The following CCDC73 variants were observed in gnomAD, a reference collection of about 807,000 sequenced individuals.
CCDC73 encodes coiled-coil domain containing 73.
A neutral mutation model predicts 116.5 loss-of-function variants in CCDC73; 95 were observed. The observed-to-expected ratio is 0.82, with a 90% confidence interval of 0.69 to 0.97. The LOEUF (loss-of-function observed/expected upper bound fraction) is 0.97. Among genes scored for constraint, CCDC73 ranks in the 50% least tolerant of loss-of-function variants. CCDC73 has a pLI of 0.00. For synonymous variants in CCDC73, 398 were observed against 401.3 expected, an observed-to-expected ratio of 0.99 and a Z score of 0.10; for missense variants, 1,066 against 1,206.8, an observed-to-expected ratio of 0.88 and a Z score of 1.73.
At chr11:32,694,406 G>A (rs187101960) in intron 6 of CCDC73, among the ~76,000 whole-genome samples, 4 of 152,176 alleles carry the variant, frequency 2.6e-5, no homozygotes, top group Admixed American at 2.0e-4. Flanking sequence ...ACTGTTCAAC[G>A]AAATAAAAGA....
intron 12 of CCDC73, 54 bp from the exon 13 acceptor site, chr11:32,642,136 G>A: frequency 4.8e-6 from 7 of 1,444,204 alleles, no homozygotes; most frequent in Non-Finnish European, 6.4e-6. Flanking sequence ...AATGAATTCT[G>A]ATGTGTTTTA....
rs1448217701 is a variant in CCDC73, at chr11:32,637,558, TCCTA to T, written c.1051-1732_1051-1729del. ...CCATGCTAGTACTCTCTCTTTATCC[TCCTA>T]CCTGTCTTACCAGCTCCCTCTCCCC... On this transcript the variant is annotated intron_variant, in intron 13 of 17. Coordinates refer to ENST00000335185, the MANE Select transcript of CCDC73 (RefSeq NM_001008391.4). 6.6e-5 allele frequency among the ~76,000 whole-genome samples: 10 copies of T among 151,764 alleles called. No individual in the cohort carries two copies. The East Asian group carries it at 1.2e-3, about 18-fold the overall frequency.
At chr11:32,796,968 C>G (rs979869646), upstream of CCDC73, among the ~76,000 whole-genome samples, 3 of 138,320 alleles carry the variant, frequency 2.2e-5, no homozygotes, top group African/African-American at 8.3e-5. Flanking sequence ...GCCGAGATCA[C>G]ACCACTCCAC....
chr11:32,827,226 TA>T, the CCDC73 span, among the ~76,000 whole-genome samples: 1 of 152,164 alleles, frequency 6.6e-6, no homozygotes. Flanking sequence ...AAGGAAATAA[TA>T]GAAGAAATCA....
At chr11:32,755,536 A>AATATATATATATACATATATAT (rs1483806584) in intron 2 of CCDC73, among the ~76,000 whole-genome samples, 1 of 59,916 alleles carries the variant, frequency 1.7e-5, no homozygotes, top group Non-Finnish European at 3.2e-5. Context: ...TCCATCTCAA[A>AATATATATATATACATATATAT]ATATATATAT....
chr11:32,798,941 C>A (rs1380163198), upstream of CCDC73, among the ~76,000 whole-genome samples: 1 of 149,086 alleles, frequency 6.7e-6, no homozygotes, highest in African/African-American at 2.5e-5. Flanking sequence ...GACAGAGTCT[C>A]ATTTTGTCAC....
At chr11:32,812,555 G>A in the CCDC73 span, among the ~76,000 whole-genome samples, 1 of 152,094 alleles carries the variant, frequency 6.6e-6, no homozygotes, top group Admixed American at 6.6e-5. Context: ...TGTGATCCCA[G>A]CTACTCGGGA....
intron 9 of CCDC73, among the ~76,000 whole-genome samples, chr11:32,656,606 T>C (rs559863779): frequency 6.6e-6 from 1 of 152,204 alleles, no homozygotes; most frequent in Non-Finnish European, 1.5e-5. Flanking sequence ...AGCAGCAGCA[T>C]CAGCAGCATC....
At chr11:32,613,317 TAA>T (rs1483560544) in intron 16 of CCDC73, 103 bp downstream of exon 16, 4 of 947,628 alleles carry the variant, frequency 4.2e-6, no homozygotes, top group Non-Finnish European at 6.2e-6. Flanking sequence ...TAATTTAAAA[TAA>T]GACGAACTTT....
chr11:32,640,061 C>G (rs1216079300), intron 13 of CCDC73, among the ~76,000 whole-genome samples: 2 of 151,886 alleles, frequency 1.3e-5, no homozygotes. Context: ...TCTCAGTAGC[C>G]ACACTACTAT....
chr11:32,654,694 G>A, intron 10 of CCDC73, 150 bp downstream of exon 10: 1 of 623,672 alleles, frequency 1.6e-6, no homozygotes, highest in Non-Finnish European at 2.5e-6. Flanking sequence ...AAAGTCTATG[G>A]CAAAAATTAA....
intron 7 of CCDC73, chr11:32,683,178 G>A (rs1465066691): frequency 1.8e-5 from 5 of 271,792 alleles, no homozygotes; most frequent in Non-Finnish European, 2.9e-5. Flanking sequence ...TTATACCTAC[G>A]GGTTAAGCAT....
intron 1 of CCDC73, among the ~76,000 whole-genome samples, chr11:32,781,618 T>C (rs192580256): frequency 9.9e-5 from 15 of 152,252 alleles, no homozygotes; most frequent in Non-Finnish European, 2.1e-4. Flanking sequence ...GGGCAGAAGA[T>C]TGGAAGTTGT....
chr11:32,648,360 G>A (rs551808031), intron 12 of CCDC73, among the ~76,000 whole-genome samples: 29 of 152,228 alleles, frequency 1.9e-4, no homozygotes, highest in African/African-American at 6.5e-4. Flanking sequence ...TCAAAAATAT[G>A]TAATGTGGGG....
chr11:32,736,942 A>AC, intron 2 of CCDC73, among the ~76,000 whole-genome samples: 1 of 10,192 alleles, frequency 9.8e-5, no homozygotes, highest in South Asian at 5.7e-3. Flanking sequence ...GTTCTCACAT[A>AC]TATATATATA....
At chr11:32,686,051 A>C (rs1020658925) in intron 6 of CCDC73, among the ~76,000 whole-genome samples, 1 of 151,842 alleles carries the variant, frequency 6.6e-6, no homozygotes, top group Non-Finnish European at 1.5e-5. Context: ...TCACTCTATT[A>C]CATTCACATT....
Position 32,741,344 on chromosome 11 carries a change from G to A in CCDC73, c.135+18765C>T, listed in dbSNP as rs369237201. 1.3e-4 allele frequency among the ~76,000 whole-genome samples: 20 copies of A among 152,000 alleles called. 1 individual carries two copies. The highest frequency in any genetic ancestry group is 9.2e-4 in the Admixed American group (14 of 15,252). On this transcript the variant is annotated intron_variant, in intron 2 of 17. Coordinates refer to ENST00000335185, the MANE Select transcript of CCDC73 (RefSeq NM_001008391.4). The stretch of plus-strand genomic sequence containing the variant: ...CTAGTAACATTTGTTTTAAACATAC[G>A]GGTGCTCCAGTGTTAATGCATATAT...
At chr11:32,752,276 C>A (rs1850293242) in intron 2 of CCDC73, among the ~76,000 whole-genome samples, 1 of 152,148 alleles carries the variant, frequency 6.6e-6, no homozygotes, top group African/African-American at 2.4e-5. Context: ...TTGGGAGCCA[C>A]AAATATAACA....
chr11:32,746,858 A>G (rs1011130017), intron 2 of CCDC73, among the ~76,000 whole-genome samples: 4 of 152,072 alleles, frequency 2.6e-5, no homozygotes, highest in African/African-American at 9.7e-5. Flanking sequence ...CTTCCTTGCA[A>G]TGGGTCAGAA....
Sources: allele counts gnomAD v4.1 joint callset (sites outside exome capture counted in the v4.1 genomes callset), GRCh38; gene constraint gnomAD v4.1.1; transcripts MANE v1.5; gene names NCBI Gene and HGNC (gene_info 2026-07-23, HGNC 2026-07-21).